Variants in RERE observed in about 807,000 individuals in gnomAD.
RERE encodes the protein arginine-glutamic acid dipeptide repeats protein.
RERE carries 40 observed loss-of-function variants against 146.1 expected under a neutral mutation model. That is an observed-to-expected ratio of 0.27 (90% CI 0.21 to 0.36). The LOEUF is 0.36. Among genes scored for constraint, RERE ranks in the 10% least tolerant of loss-of-function variants. The pLI, the probability that RERE is intolerant of heterozygous loss-of-function variation, is 1.00. For synonymous variants in RERE, 1,003 were observed against 866.0 expected, an observed-to-expected ratio of 1.16 and a Z score of -2.78; for missense variants, 1,933 against 2,138.7, an observed-to-expected ratio of 0.90 and a Z score of 1.90.
intron 1 of RERE, among the ~76,000 whole-genome samples, chr1:8,793,157 C>CAAAAAAAA (rs1015889392): frequency 6.1e-5 from 3 of 49,268 alleles, no homozygotes; most frequent in South Asian, 7.4e-4. Flanking sequence ...ACTCCATCTC[C>CAAAAAAAA]AAAAAAAAAA....
intron 12 of RERE, among the ~76,000 whole-genome samples, chr1:8,420,111 C>A (rs1224555096): frequency 6.6e-6 from 1 of 152,194 alleles, no homozygotes; most frequent in African/African-American, 2.4e-5. Flanking sequence ...TGCTGACACC[C>A]TTCTCAAGTT....
chr1:8,456,914 A>AT (rs1644459650), intron 11 of RERE, among the ~76,000 whole-genome samples: 1 of 152,048 alleles, frequency 6.6e-6, no homozygotes, highest in Admixed American at 6.5e-5. Flanking sequence ...CCTGCTTTTA[A>AT]TTTTTTCAGG....
intron 1 of RERE, among the ~76,000 whole-genome samples, chr1:8,731,684 A>G (rs1640087626): frequency 6.6e-6 from 1 of 152,078 alleles, no homozygotes; most frequent in Admixed American, 6.5e-5. Context: ...CCAGGGGTGG[A>G]AAAAAACAAG....
chr1:8,610,233 G>A (rs115528063), intron 4 of RERE, among the ~76,000 whole-genome samples: 1,690 of 152,274 alleles, frequency 0.011, 31 homozygotes, highest in African/African-American at 0.039. Flanking sequence ...TTTGCCAGCA[G>A]TTTCAGGATG....
At chr1:8,701,116 C>CACAG (rs1176787952) in intron 1 of RERE, among the ~76,000 whole-genome samples, 1 of 152,128 alleles carries the variant, frequency 6.6e-6, no homozygotes, top group East Asian at 1.9e-4. Context: ...AACAGCTGTA[C>CACAG]ACAGTTGCAC....
chr1:8,440,192 C>G (rs1054074436), intron 11 of RERE, among the ~76,000 whole-genome samples: 1 of 152,226 alleles, frequency 6.6e-6, no homozygotes, highest in Non-Finnish European at 1.5e-5. Context: ...TCATCTTGGA[C>G]TCTGGAAACT....
In RERE at chr1:8,436,450, TAA is replaced by T. The variant is rs201246676; in HGVS notation, c.1204-13645_1204-13644del. The stretch of plus-strand genomic sequence containing the variant: ...ATAAATGCCCCTGTAAAGTGGCTCC[TAA>T]GTTATGTCATTAAAATGTTCACCTT... On this transcript the variant is annotated intron_variant, in intron 11 of 22. Coordinates refer to ENST00000400908, the MANE Select transcript of RERE (RefSeq NM_001042681.2). 6.9e-3 allele frequency among the ~76,000 whole-genome samples: 1,056 copies of T among 152,332 alleles called. 3 individuals carry two copies. Among genetic ancestry groups the T allele is most frequent in the African/African-American group, 0.024 (1,002 of 41,570 alleles).
intron 1 of RERE, among the ~76,000 whole-genome samples, chr1:8,803,250 G>T (rs1214565127): frequency 1.3e-5 from 2 of 151,920 alleles, no homozygotes; most frequent in Non-Finnish European, 2.9e-5. Flanking sequence ...GGCCGAGGCG[G>T]GAGGATCACG....
chr1:8,800,175 A>T (rs999715458), intron 1 of RERE, among the ~76,000 whole-genome samples: 1 of 151,854 alleles, frequency 6.6e-6, no homozygotes, highest in South Asian at 2.1e-4. Context: ...TGGCCCAGGG[A>T]AGCCAAAAGA....
At chr1:8,633,379 C>T (rs937171963) in intron 2 of RERE, among the ~76,000 whole-genome samples, 1 of 147,408 alleles carries the variant, frequency 6.8e-6, no homozygotes, top group Non-Finnish European at 1.5e-5. Context: ...GCTATAATAG[C>T]ACCACTGCGT....
At chr1:8,673,523 C>T in intron 1 of RERE, among the ~76,000 whole-genome samples, 1 of 152,176 alleles carries the variant, frequency 6.6e-6, no homozygotes, top group East Asian at 1.9e-4. Flanking sequence ...CTGACAATGC[C>T]TACCTGGGAA....
chr1:8,662,550 C>CGT (rs550550279), intron 1 of RERE, among the ~76,000 whole-genome samples: 32 of 152,212 alleles, frequency 2.1e-4, no homozygotes, highest in Non-Finnish European at 2.4e-4. Flanking sequence ...ATTAGCTATG[C>CGT]GTGGTGGTGC....
chr1:8,422,841 C>A (rs1643930400), intron 11 of RERE, 34 bp from the exon 12 acceptor site: 1 of 1,503,368 alleles, frequency 6.7e-7, no homozygotes, highest in Non-Finnish European at 9.2e-7. Context: ...GATGTAAAAA[C>A]CAAAAACAAA....
intron 7 of RERE, among the ~76,000 whole-genome samples, chr1:8,510,261 G>A (rs1452982504): frequency 6.6e-6 from 1 of 152,070 alleles, no homozygotes; most frequent in Admixed American, 6.5e-5. Flanking sequence ...ATGTGAAGGG[G>A]AGGTACCAAA....
intron 8 of RERE, among the ~76,000 whole-genome samples, chr1:8,502,569 G>A (rs1031008603): frequency 1.4e-5 from 2 of 147,324 alleles, no homozygotes; most frequent in African/African-American, 2.5e-5. Context: ...GCCCGGCCAC[G>A]ACCCCTTCTG....
Position 8,526,131 on chromosome 1 carries a change from T to C in RERE, c.830+15083A>G, listed in dbSNP as rs1403136007. The C allele has an allele frequency of 1.2e-5, 12 of 983,086 alleles. No homozygotes were observed. In the African/African-American group the frequency reaches 1.7e-4, roughly 14 times the overall value. 60.9% of individuals were successfully genotyped at this position (983,086 alleles called of 1,614,324 possible). ...GCTAGTGTGCAGGGAAGTGGGGCCT[T>C]AGAAAGGGGATCCAAGACAGCCAAC... On this transcript the variant is annotated intron_variant, in intron 7 of 22. Coordinates refer to ENST00000400908, the MANE Select transcript of RERE (RefSeq NM_001042681.2).
intron 8 of RERE, among the ~76,000 whole-genome samples, chr1:8,497,830 A>C (rs547627750): frequency 6.6e-6 from 1 of 152,362 alleles, no homozygotes; most frequent in South Asian, 2.1e-4. Flanking sequence ...AAAATAAACA[A>C]AAAAACAAAA....
intron 4 of RERE, among the ~76,000 whole-genome samples, chr1:8,586,041 C>CTAA (rs1267322729): frequency 6.6e-6 from 1 of 152,162 alleles, no homozygotes; most frequent in Non-Finnish European, 1.5e-5. Context: ...GATCCAGCTA[C>CTAA]TAATACACAA....
Position 8,356,278 on chromosome 1 carries a change from G to A in RERE, c.4340-32C>T, listed in dbSNP as rs149468927. The stretch of plus-strand genomic sequence containing the variant: ...AAAGGACAAAACGCCAGATGGAGGC[G>A]GTGTGCAGCTCTTCAATGTTTGTCC... On this transcript the variant is annotated intron_variant, in intron 20 of 22. Coordinates refer to ENST00000400908, the MANE Select transcript of RERE (RefSeq NM_001042681.2). This position sits in a 1 kb window ranked among gnomAD's most constrained non-coding sequence, Gnocchi z 5.2. 1.1e-5 allele frequency: 16 copies of A among 1,496,610 alleles called. No homozygotes were observed. The Admixed American group carries it at 1.8e-4, about 17-fold the overall frequency. The allele number at this position is 1,496,610 out of a possible 1,614,324, so 92.7% of individuals were successfully genotyped here. A position where few individuals can be genotyped will look rare whatever the true frequency, so the allele number is the denominator to read the frequency against.
Sources: gnomAD v4.1 joint callset for allele counts (sites outside exome capture counted in the v4.1 genomes callset) on GRCh38, gnomAD v4.1.1 for gene constraint, Gnocchi (gnomAD v3.1) non-coding constraint, MANE v1.5 for transcripts, NCBI Gene and HGNC (gene_info 2026-07-23, HGNC 2026-07-21) for gene names.